RBFOX1: variants seen among roughly 807,000 people sequenced by gnomAD.
RBFOX1 encodes the protein RNA binding protein fox-1 homolog 1.
In RBFOX1, 8 loss-of-function variants were observed where a neutral mutation model predicts 57.7. The ratio of observed to expected loss-of-function variants is 0.14; its 90% CI spans 0.08 to 0.25. RBFOX1 has a LOEUF of 0.25. Among genes scored for constraint, RBFOX1 ranks in the 10% least tolerant of loss-of-function variants. The pLI, the probability that RBFOX1 is intolerant of heterozygous loss-of-function variation, is 1.00. For synonymous variants in RBFOX1, 326 were observed against 222.4 expected (o/e 1.47, Z -4.15); for missense variants, 611 against 548.5 (o/e 1.11, Z -1.14).
chr16:6,786,048 C>A (rs1477530823), intron 3 of RBFOX1, among the ~76,000 whole-genome samples: 2 of 152,320 alleles, frequency 1.3e-5, no homozygotes, highest in African/African-American at 2.4e-5. Context: ...AGTGTCTGCA[C>A]TGGGGAGGAT....
At chr16:5,403,275 G>A (rs1295415877) in intron 1 of RBFOX1, among the ~76,000 whole-genome samples, 2 of 151,330 alleles carry the variant, frequency 1.3e-5, no homozygotes, top group Non-Finnish European at 2.9e-5. Context: ...GCTTGAGCCT[G>A]GGAGGTGGAG....
intron 2 of RBFOX1, among the ~76,000 whole-genome samples, chr16:6,444,030 T>A (rs1209403747): frequency 6.6e-6 from 1 of 152,196 alleles, no homozygotes; most frequent in African/African-American, 2.4e-5. Context: ...ACAGATATTG[T>A]ATAATGTAGT....
chr16:6,863,459 C>T (rs999538043), intron 3 of RBFOX1, among the ~76,000 whole-genome samples: 3 of 151,964 alleles, frequency 2.0e-5, no homozygotes, highest in African/African-American at 7.3e-5. Context: ...TTGCCTTCTG[C>T]TACCTCTGAA....
intron 3 of RBFOX1, among the ~76,000 whole-genome samples, chr16:5,719,140 A>T (rs2051832226): frequency 1.3e-5 from 2 of 151,812 alleles, no homozygotes; most frequent in African/African-American, 4.8e-5. Flanking sequence ...AACGCATATA[A>T]CCCAATAGGC....
intron 2 of RBFOX1, among the ~76,000 whole-genome samples, chr16:5,503,948 C>T (rs910300943): frequency 5.9e-5 from 9 of 152,180 alleles, no homozygotes; most frequent in Non-Finnish European, 5.9e-5. Flanking sequence ...AAATAGCCTC[C>T]TTTCTTCTTT....
intron 4 of RBFOX1, among the ~76,000 whole-genome samples, chr16:7,476,740 C>T (rs1260019255): frequency 2.6e-5 from 4 of 152,288 alleles, no homozygotes; most frequent in African/African-American, 9.6e-5. Flanking sequence ...TGTATCCTTG[C>T]AAATCTGTAC....
Position 7,411,493 on chromosome 16 carries a change from G to A in RBFOX1, c.28-106654G>A, listed in dbSNP as rs78901923. On this transcript the variant is annotated intron_variant, in intron 4 of 15. Coordinates refer to ENST00000550418, the MANE Select transcript of RBFOX1 (RefSeq NM_018723.4). ...AAATGGGAAGTACTGTTTAAAAATG[G>A]AATAACTCTTTTCTTCCCCCAAATC... Among the ~76,000 whole-genome samples the A allele has an allele frequency of 3.2e-3, 480 of 152,254 alleles. 1 individual carries two copies. Among genetic ancestry groups the A allele is most frequent in the African/African-American group, 0.011 (452 of 41,538 alleles).
chr16:6,539,892 A>G (rs956138415), intron 2 of RBFOX1, among the ~76,000 whole-genome samples: 6 of 150,698 alleles, frequency 4.0e-5, no homozygotes, highest in African/African-American at 1.5e-4. Flanking sequence ...CTTCTGCATG[A>G]ACTTTTAAAC....
At chr16:6,009,700 C>T (rs995456529) in intron 4 of RBFOX1, among the ~76,000 whole-genome samples, 2 of 152,104 alleles carry the variant, frequency 1.3e-5, no homozygotes, top group Admixed American at 6.5e-5. Flanking sequence ...CCCTCCTCCC[C>T]CCACCTCCAA....
chr16:6,230,028 C>T (rs1317561035), intron 1 of RBFOX1, among the ~76,000 whole-genome samples: 1 of 151,908 alleles, frequency 6.6e-6, no homozygotes, highest in African/African-American at 2.4e-5. Flanking sequence ...TATGGATCTC[C>T]TTTTAAGTCA....
At chr16:6,194,740 T>C (rs73532067) in intron 1 of RBFOX1, among the ~76,000 whole-genome samples, 4,684 of 152,336 alleles carry the variant, frequency 0.031, 98 homozygotes, top group Middle Eastern at 0.068. Context: ...CCTATACATC[T>C]ATCTTGATGC....
At chr16:7,198,514 TG>T (rs1191946400) in intron 4 of RBFOX1, among the ~76,000 whole-genome samples, 1 of 152,208 alleles carries the variant, frequency 6.6e-6, no homozygotes, top group Non-Finnish European at 1.5e-5. Context: ...TTTGTGTTTT[TG>T]TAACAGAATA....
At chr16:6,629,455 A>T (rs1324893542) in intron 2 of RBFOX1, among the ~76,000 whole-genome samples, 2 of 152,216 alleles carry the variant, frequency 1.3e-5, no homozygotes, top group East Asian at 3.8e-4. Flanking sequence ...TTAAGTACTC[A>T]TTAATGTCAC....
At chr16:5,459,251 A>G (rs1338641369) in intron 1 of RBFOX1, among the ~76,000 whole-genome samples, 1 of 152,190 alleles carries the variant, frequency 6.6e-6, no homozygotes, top group African/African-American at 2.4e-5. Flanking sequence ...TTAGGGCCTC[A>G]TCCTAATCTC....
At chr16:6,525,025 G>C (rs536655840) in intron 2 of RBFOX1, among the ~76,000 whole-genome samples, 3 of 152,142 alleles carry the variant, frequency 2.0e-5, no homozygotes, top group South Asian at 2.1e-4. Flanking sequence ...TTAGTACAGA[G>C]ATCTTCATGT....
rs150980560 is a variant in RBFOX1, at chr16:7,115,703, G to A, written c.27+63605G>A. 9.2e-4 allele frequency among the ~76,000 whole-genome samples: 140 copies of A among 152,252 alleles called. 1 individual carries two copies. The highest frequency in any genetic ancestry group is 3.1e-3 in the African/African-American group (128 of 41,564). On this transcript the variant is annotated intron_variant, in intron 4 of 15. Coordinates refer to ENST00000550418, the MANE Select transcript of RBFOX1 (RefSeq NM_018723.4). ...GACACCCAAGACAGAGAATCCAGTC[G>A]CTTTTATTGCTGATTTAGGAGGTGA...
chr16:6,835,435 T>G (rs541649937), intron 3 of RBFOX1, among the ~76,000 whole-genome samples: 1 of 152,178 alleles, frequency 6.6e-6, no homozygotes, highest in South Asian at 2.1e-4. Flanking sequence ...CTTCCAAATC[T>G]CAGTGCCTTA....
At chr16:6,354,845 G>T (rs1185017502) in intron 2 of RBFOX1, among the ~76,000 whole-genome samples, 1 of 152,162 alleles carries the variant, frequency 6.6e-6, no homozygotes. Flanking sequence ...AGGAATCAGT[G>T]AATGAATGAT....
At chr16:6,316,948 A>G (rs2081190573) in intron 1 of RBFOX1, 47 bp from the exon 2 acceptor site, 4 of 1,498,660 alleles carry the variant, frequency 2.7e-6, no homozygotes, top group South Asian at 2.4e-5. Context: ...ACAAAATTCA[A>G]GAATACATTT....
Sources: gnomAD v4.1 joint callset for allele counts (sites outside exome capture counted in the v4.1 genomes callset) on GRCh38, gnomAD v4.1.1 for gene constraint, MANE v1.5 for transcripts, NCBI Gene and HGNC (gene_info 2026-07-23, HGNC 2026-07-21) for gene names.